Variants in IKZF4 observed in about 807,000 individuals in gnomAD.
The protein encoded by IKZF4 is zinc finger protein Eos.
In IKZF4, 11 loss-of-function variants were observed where a neutral mutation model predicts 47.7. The ratio of observed to expected loss-of-function variants is 0.23; its 90% CI spans 0.15 to 0.38. The LOEUF (loss-of-function observed/expected upper bound fraction) is 0.38, where lower values mean the gene tolerates loss of function less well. Among genes scored for constraint, IKZF4 ranks in the 10% least tolerant of loss-of-function variants. The probability of loss-of-function intolerance (pLI) is 1.00; values close to 1 mark genes in which losing one functional copy is unlikely to be tolerated. For missense variants in IKZF4, 557 were observed against 784.9 expected, an observed-to-expected ratio of 0.71 and a Z score of 3.47; for synonymous variants, 298 against 299.4, an observed-to-expected ratio of 1.00 and a Z score of 0.05.
chr12:56,018,826 C>T (rs1038955149), upstream of IKZF4, among the ~76,000 whole-genome samples: 8 of 152,048 alleles, frequency 5.3e-5, no homozygotes, highest in East Asian at 1.9e-4. Context: ...TGGTGGCTCA[C>T]GCCTGTAATC....
At chr12:56,024,119 C>T (rs768982490) in intron 2 of IKZF4, among the ~76,000 whole-genome samples, 10 of 152,118 alleles carry the variant, frequency 6.6e-5, no homozygotes, top group Non-Finnish European at 1.3e-4. Flanking sequence ...GGTATGTTAT[C>T]TGATTTTGAA....
In IKZF4 at chr12:56,033,248, G is replaced by C. The variant is rs546141528; in HGVS notation, c.924G>C (p.Glu308Asp). The change falls in exon 7 of 8, where the codon GAG becomes GAC. Residue 308 changes from glutamate (E) to aspartate (D), a missense_variant. Around this residue, in one of 6 missense-constraint regions of IKZF4, gnomAD observed 280 missense variants for 314.0 expected, o/e 0.89. Coordinates refer to ENST00000547167, the MANE Select transcript of IKZF4 (RefSeq NM_022465.4). ...ACTCCATGCTGCACTCATCCTCTGA[G>C]CGGCCAACTTTCATCGATCGTCTGG... The part of the protein sequence containing the change: ...VPDSMLHSSS[E>D]RPTFIDRLAN... 3.7e-6 allele frequency: 6 copies of C among 1,613,994 alleles called. No homozygotes were observed. The highest frequency in any genetic ancestry group is 1.6e-4 in the Middle Eastern group (1 of 6,062).
intron 5 of IKZF4, among the ~76,000 whole-genome samples, chr12:56,028,855 C>G (rs1055673908): frequency 6.6e-6 from 1 of 151,878 alleles, no homozygotes; most frequent in African/African-American, 2.4e-5. Flanking sequence ...GGATTACAGG[C>G]GTGGTGTCAG....
chr12:56,033,344 G>A (rs73123262), intron 7 of IKZF4, 23 bp downstream of exon 7: 27 of 1,613,362 alleles, frequency 1.7e-5, no homozygotes, highest in African/African-American at 8.0e-5. Flanking sequence ...TTGGAAAGAC[G>A]TATCAGCTTT....
chr12:56,033,042 T>G, intron 6 of IKZF4, 148 bp from the exon 7 acceptor site: 1 of 883,234 alleles, frequency 1.1e-6, no homozygotes, highest in South Asian at 1.7e-5. Flanking sequence ...GGAGTGAGCT[T>G]TAGGTAGGGT....
chr12:56,009,842 A>G (rs549196800), intron 1 of IKZF4, among the ~76,000 whole-genome samples: 1 of 152,354 alleles, frequency 6.6e-6, no homozygotes, highest in African/African-American at 2.4e-5. Context: ...GACTTGGCTC[A>G]GAAATAAGTC....
At chr12:56,017,032 A>G (rs1892169902), upstream of IKZF4, among the ~76,000 whole-genome samples, 1 of 151,976 alleles carries the variant, frequency 6.6e-6, no homozygotes, top group African/African-American at 2.4e-5. Flanking sequence ...GCCAGCCGCA[A>G]TTTTGGAGGT....
At chr12:56,032,068 C>G (rs571163625) in intron 5 of IKZF4, among the ~76,000 whole-genome samples, 1 of 152,132 alleles carries the variant, frequency 6.6e-6, no homozygotes, top group African/African-American at 2.4e-5. Context: ...GCTCTCATTT[C>G]TGTCATGCCA....
intron 2 of IKZF4, chr12:56,024,046 A>G: frequency 1.8e-6 from 1 of 566,246 alleles, no homozygotes; most frequent in African/African-American, 2.0e-5. Flanking sequence ...TCACCTATAT[A>G]TTTGTGTAGA....
Position 56,035,004 on chromosome 12 carries a change from C to T in IKZF4, c.1431C>T (p.Pro477=), listed in dbSNP as rs1355716122. 1.9e-6 allele frequency: 3 copies of T among 1,555,352 alleles called. No homozygotes were observed. The highest frequency in any genetic ancestry group is 1.9e-5 in the Admixed American group (1 of 53,828). Residue 477 remains proline (P), a synonymous_variant, in exon 8 of 8, where the codon CCC becomes CCT. Coordinates refer to ENST00000547167, the MANE Select transcript of IKZF4 (RefSeq NM_022465.4). The surrounding 1 kb of genome is among the most constrained non-coding windows in gnomAD (Gnocchi z 6.1). ...GGGTGGTATCCCTCCCTCAGGGTCC[C>T]CCACCCCAGCCACCTCCCACCATTG... is the stretch of plus-strand genomic sequence containing the variant. The part of the protein sequence containing the change: ...VAGVVSLPQG[P]PPQPPPTIVV...
At chr12:56,033,885 C>A (rs1184666861) in intron 7 of IKZF4, among the ~76,000 whole-genome samples, 2 of 151,932 alleles carry the variant, frequency 1.3e-5, no homozygotes, top group Non-Finnish European at 2.9e-5. Context: ...AGGCATCGGG[C>A]TGTCTCAGTT....
Position 56,035,377 on chromosome 12 carries a change from A to G in IKZF4, c.*46A>G. ...AGTCCACCACTCCACTGCCCTGACT[A>G]CAGGCATTGATCCCTGTCCCCACCA... On this transcript the variant is annotated 3_prime_UTR_variant, in exon 8 of 8. Coordinates refer to ENST00000547167, the MANE Select transcript of IKZF4 (RefSeq NM_022465.4). The surrounding 1 kb of genome is among the most constrained non-coding windows in gnomAD (Gnocchi z 6.1). 6.4e-7 allele frequency: 1 copy of G among 1,560,934 alleles called. No individual in the cohort carries two copies. The highest frequency in any genetic ancestry group is 1.2e-5 in the South Asian group (1 of 81,920).
chr12:56,007,757 T>C (rs985862319), intron 1 of IKZF4: 1 of 118,474 alleles, frequency 8.4e-6, no homozygotes, highest in Non-Finnish European at 1.9e-5. Flanking sequence ...CGGGGCTTGG[T>C]GGGGGTAAAG....
Position 56,035,190 on chromosome 12 carries a change from C to T in IKZF4, c.1617C>T (p.Phe539=). ...AFKCEHCRIL[F]LDHVMFTIHM... ...AGTGTGAGCACTGCCGTATCCTCTT[C>T]CTGGACCACGTCATGTTCACTATCC... Residue 539 remains phenylalanine, a synonymous_variant, in exon 8 of 8, where the codon TTC becomes TTT. Coordinates refer to ENST00000547167, the MANE Select transcript of IKZF4 (RefSeq NM_022465.4). The surrounding 1 kb of genome is among the most constrained non-coding windows in gnomAD (Gnocchi z 6.1). 1 of 1,614,214 alleles carries T rather than the reference C, an allele frequency of 6.2e-7. No individual in the cohort carries two copies. The highest frequency in any genetic ancestry group is 8.5e-7 in the Non-Finnish European group (1 of 1,180,026).
At chr12:56,015,254 T>C (rs1476746940) in intron 2 of IKZF4, among the ~76,000 whole-genome samples, 1 of 151,918 alleles carries the variant, frequency 6.6e-6, no homozygotes, top group Non-Finnish European at 1.5e-5. Flanking sequence ...TTTTTGTATT[T>C]TTAGTAGAGA....
At chr12:56,021,033 T>A, upstream of IKZF4, 1 of 1,023,366 alleles carries the variant, frequency 9.8e-7, no homozygotes, top group South Asian at 3.9e-5. Context: ...TCTCTCTCTC[T>A]CTCTTGCACA....
chr12:56,034,838 G>A lies in IKZF4; in HGVS notation c.1265G>A (p.Gly422Asp). The A allele has an allele frequency of 6.2e-7, 1 of 1,613,800 alleles. No individual in the cohort carries two copies. Among genetic ancestry groups the A allele is most frequent in the Non-Finnish European group, 8.5e-7 (1 of 1,179,786 alleles). ...RLELPGSREA[G>D]EGPEDLADGG... ...GAGCTTCCAGGATCCCGAGAAGCAG[G>A]TGAGGGACCTGAGGACCTGGCTGAT... Residue 422 changes from glycine (G) to aspartate (D), a missense_variant, in exon 8 of 8, where the codon GGT becomes GAT. By Grantham distance (94) the Gly-to-Asp change is moderately conservative. Coordinates refer to ENST00000547167, the MANE Select transcript of IKZF4 (RefSeq NM_022465.4).
chr12:56,031,523 A>T (rs1392687983), intron 5 of IKZF4, among the ~76,000 whole-genome samples: 1 of 152,242 alleles, frequency 6.6e-6, no homozygotes, highest in Non-Finnish European at 1.5e-5. Context: ...AAGAGTTTAC[A>T]GAGCCTGAGT....
At chr12:56,007,837 G>A (rs1890888898) in intron 1 of IKZF4, 1 of 152,270 alleles carries the variant, frequency 6.6e-6, no homozygotes, top group African/African-American at 2.4e-5. Context: ...GGGAGACGTG[G>A]GCGGGGGAAG....
Sources: allele counts gnomAD v4.1 joint callset (sites outside exome capture counted in the v4.1 genomes callset), GRCh38; gene constraint gnomAD v4.1.1; regional missense constraint gnomAD v4.1.1; non-coding constraint Gnocchi (gnomAD v3.1); transcripts MANE v1.5; gene names NCBI Gene and HGNC (gene_info 2026-07-23, HGNC 2026-07-21).